BDKRB2: variants seen among roughly 807,000 people sequenced by gnomAD.
BDKRB2 encodes bradykinin receptor B2, also known as B2 bradykinin receptor.
In BDKRB2, 6 loss-of-function variants were observed where a neutral mutation model predicts 4.0. The observed-to-expected ratio is 1.49, with a 90% CI of 0.81 to 2.93. The LOEUF is 2.93. BDKRB2 is among the 30% of genes most tolerant of loss of function. The probability of loss-of-function intolerance (pLI) is 0.00; values close to 1 mark genes in which losing one functional copy is unlikely to be tolerated. For synonymous variants in BDKRB2, 225 were observed against 215.3 expected (o/e 1.05, Z -0.40); for missense variants, 478 against 520.1 (o/e 0.92, Z 0.79).
At chr14:96,208,096 G>T (rs1300366044) in intron 1 of BDKRB2, among the ~76,000 whole-genome samples, 2 of 152,138 alleles carry the variant, frequency 1.3e-5, no homozygotes, top group African/African-American at 4.8e-5. Flanking sequence ...TTTCCTTGGG[G>T]TTTGTACCAT....
At chr14:96,225,912 C>T (rs1352515792) in intron 1 of BDKRB2, among the ~76,000 whole-genome samples, 2 of 152,198 alleles carry the variant, frequency 1.3e-5, no homozygotes, top group Non-Finnish European at 1.5e-5. Context: ...CCCTCCACTC[C>T]CACCCTAGCA....
chr14:96,238,661 C>T, intron 2 of BDKRB2: 1 of 968,132 alleles, frequency 1.0e-6, no homozygotes, highest in Non-Finnish European at 1.2e-6. Flanking sequence ...ACAGCTTCCC[C>T]AGTTCTGTGC....
chr14:96,232,427 A>G (rs1464811877), intron 1 of BDKRB2, among the ~76,000 whole-genome samples: 1 of 152,192 alleles, frequency 6.6e-6, no homozygotes, highest in Non-Finnish European at 1.5e-5. Context: ...TGTGTTTCCC[A>G]CACTTAGCCA....
intron 1 of BDKRB2, among the ~76,000 whole-genome samples, chr14:96,205,240 G>A (rs1329927428): frequency 1.3e-5 from 2 of 152,166 alleles, no homozygotes; most frequent in Admixed American, 6.5e-5. Flanking sequence ...GAGGGATTTC[G>A]TGATTGGATT....
chr14:96,230,177 T>C (rs1890787066), intron 1 of BDKRB2, among the ~76,000 whole-genome samples: 1 of 152,038 alleles, frequency 6.6e-6, no homozygotes, highest in Admixed American at 6.6e-5. Flanking sequence ...AAGGAATGGT[T>C]TAGTAAACAA....
intron 1 of BDKRB2, among the ~76,000 whole-genome samples, chr14:96,224,795 T>C (rs1595255508): frequency 6.6e-6 from 1 of 152,300 alleles, no homozygotes; most frequent in East Asian, 1.9e-4. Context: ...AGGCGTAACA[T>C]TGGCAGAACC....
At chr14:96,214,563 C>G (rs1396787743) in intron 1 of BDKRB2, 1 of 152,306 alleles carries the variant, frequency 6.6e-6, no homozygotes, top group African/African-American at 2.4e-5. Context: ...GGTGAGACTC[C>G]CTCGTCCAGA....
chr14:96,215,105 G>A (rs973166346), intron 1 of BDKRB2, among the ~76,000 whole-genome samples: 2 of 152,182 alleles, frequency 1.3e-5, no homozygotes, highest in African/African-American at 4.8e-5. Flanking sequence ...TGGATACCAT[G>A]ACAAACAGTA....
intron 1 of BDKRB2, among the ~76,000 whole-genome samples, chr14:96,223,789 C>A (rs1484503725): frequency 6.6e-6 from 1 of 151,436 alleles, no homozygotes. Flanking sequence ...ATGTTAAAAG[C>A]CTTGATTAAC....
chr14:96,220,638 C>G (rs1772036031), intron 1 of BDKRB2, among the ~76,000 whole-genome samples: 1 of 149,136 alleles, frequency 6.7e-6, no homozygotes, highest in Non-Finnish European at 1.5e-5. Context: ...CTTTAAGGCC[C>G]TCTCTGGAAT....
At chr14:96,236,543 C>T (rs991991422) in intron 1 of BDKRB2, among the ~76,000 whole-genome samples, 2 of 152,210 alleles carry the variant, frequency 1.3e-5, no homozygotes, top group Non-Finnish European at 2.9e-5. Flanking sequence ...CCTCTAAACT[C>T]CTCTGGAATC....
intron 1 of BDKRB2, among the ~76,000 whole-genome samples, chr14:96,228,180 A>C (rs535144033): frequency 8.5e-5 from 13 of 152,294 alleles, no homozygotes; most frequent in African/African-American, 2.6e-4. Flanking sequence ...TGTGAGGGGA[A>C]GCATGCAAGC....
At position 96,241,510 on chromosome 14, in the gene BDKRB2, C is replaced by T. The variant is rs201405339; in HGVS notation, c.*6C>T. On this transcript the variant is annotated 3_prime_UTR_variant, in exon 3 of 3. Transcript: ENST00000554311. ...GGGCAGGGAGCAGACAGTGAGCAAA[C>T]GCCAGCAGGGCTGCTGTGAATTTGT... The T allele has an allele frequency of 9.9e-6, 15 of 1,515,968 alleles. No homozygotes were observed. The Admixed American group carries it at 1.7e-4, about 17-fold the overall frequency. The allele number at this position is 1,515,968 out of a possible 1,614,324, so 93.9% of individuals were successfully genotyped here.
At position 96,205,848 on chromosome 14, in the gene BDKRB2, C is replaced by T. The variant is rs190526133; in HGVS notation, c.-40+889C>T. 2.2e-3 allele frequency among the ~76,000 whole-genome samples: 341 copies of T among 152,320 alleles called. 2 individuals carry two copies. The highest frequency in any genetic ancestry group is 7.7e-3 in the African/African-American group (321 of 41,572). ...GTGATTCGAGTTGCTGAGAGTAGGT[C>T]GTTTCCGCAGCCTGGGTGGAGGTGA... On this transcript the variant is annotated intron_variant, in intron 1 of 2. Coordinates refer to ENST00000554311, the MANE Select transcript of BDKRB2 (RefSeq NM_001379692.1).
chr14:96,205,518 G>C (rs1002685996), intron 1 of BDKRB2, among the ~76,000 whole-genome samples: 1 of 152,136 alleles, frequency 6.6e-6, no homozygotes, highest in East Asian at 1.9e-4. Context: ...GTTGGCTGAT[G>C]CGCCTCCAGG....
Position 96,241,068 on chromosome 14 carries a change from T to G in BDKRB2, c.740T>G (p.Ile247Ser), listed in dbSNP as rs758983716. 3 of 1,614,034 alleles carry G rather than the reference T, an allele frequency of 1.9e-6. No homozygotes were observed. The highest frequency in any genetic ancestry group is 2.5e-6 in the Non-Finnish European group (3 of 1,179,934). ...LSVITFCTMQ[I>S]MQVLRNNEMQ... ...GTCATCACCTTCTGCACGATGCAGA[T>G]CATGCAGGTGCTGCGGAACAACGAG... The change falls in exon 3 of 3, where the codon ATC (isoleucine) becomes AGC (serine). Residue 247 changes from isoleucine to serine, a missense_variant. Physicochemically the swap from Ile to Ser is moderately radical, Grantham distance 142. Coordinates refer to ENST00000554311, the MANE Select transcript of BDKRB2 (RefSeq NM_001379692.1).
At chr14:96,231,075 C>T (rs1890808690) in intron 1 of BDKRB2, among the ~76,000 whole-genome samples, 1 of 152,108 alleles carries the variant, frequency 6.6e-6, no homozygotes. Context: ...ATAATCTAAC[C>T]ACAGTGAACA....
At chr14:96,235,340 T>G in intron 1 of BDKRB2, among the ~76,000 whole-genome samples, 1 of 83,020 alleles carries the variant, frequency 1.2e-5, no homozygotes, top group East Asian at 3.6e-4. Context: ...AGAGAGAGAC[T>G]CCGTCTCAAA....
At chr14:96,232,132 TG>T (rs1890832341) in intron 1 of BDKRB2, among the ~76,000 whole-genome samples, 1 of 152,200 alleles carries the variant, frequency 6.6e-6, no homozygotes, top group Non-Finnish European at 1.5e-5. Flanking sequence ...ACGGGCCTCC[TG>T]GGCTGGTGCA....
Sources: gnomAD v4.1 joint callset for allele counts (sites outside exome capture counted in the v4.1 genomes callset) on GRCh38, gnomAD v4.1.1 for gene constraint, MANE v1.5 for transcripts, NCBI Gene and HGNC (gene_info 2026-07-23, HGNC 2026-07-21) for gene names.